ACADVL: variants seen among roughly 807,000 people sequenced by gnomAD.
The protein encoded by ACADVL is acyl-CoA dehydrogenase very long chain.
ACADVL carries 73 observed loss-of-function variants against 80.4 expected under a neutral mutation model. The ratio of observed to expected loss-of-function variants is 0.91; its 90% CI spans 0.75 to 1.10. ACADVL has a LOEUF of 1.10. ACADVL is among the 50% of genes least tolerant of loss of function. ACADVL has a pLI of 0.00. For synonymous variants in ACADVL, 392 were observed against 326.5 expected (o/e 1.20, Z -2.16); for missense variants, 878 against 858.9 (o/e 1.02, Z -0.28).
At position 7,220,893 on chromosome 17, in the gene ACADVL, G is replaced by T. The variant is rs751642481; in HGVS notation, c.343-31G>T. On this transcript the variant is annotated intron_variant, in intron 5 of 19. Transcript: ENST00000356839. Reference sequence around the variant, plus strand: ...TTTGGAGATGTTAAGCTCAAAAGGAGCCTGGATGTGGGATCCTGTGCCTTC... The same window carrying T: ...TTTGGAGATGTTAAGCTCAAAAGGATCCTGGATGTGGGATCCTGTGCCTTC... 1.8e-5 allele frequency: 29 copies of T among 1,613,970 alleles called. No individual in the cohort carries two copies. The East Asian group carries it at 6.2e-4, about 35-fold the overall frequency.
Position 7,220,111 on chromosome 17 carries a change from A to G in ACADVL, c.63-11A>G. 6.3e-7 allele frequency: 1 copy of G among 1,581,194 alleles called. No homozygotes were observed. The highest frequency in any genetic ancestry group is 8.5e-7 in the Non-Finnish European group (1 of 1,171,842). Reference sequence around the variant, plus strand: ...GGCACCGGGCCGGCACTGAACCCCCACTCCCCACAGCTCGCGGCTCACGGC... The same window carrying G: ...GGCACCGGGCCGGCACTGAACCCCCGCTCCCCACAGCTCGCGGCTCACGGC... On this transcript the variant is annotated splice_polypyrimidine_tract_variant and intron_variant, in intron 1 of 19. Transcript: ENST00000356839.
upstream of ACADVL, chr17:7,218,143 G>A: frequency 8.7e-7 from 1 of 1,148,744 alleles, no homozygotes; most frequent in Non-Finnish European, 1.2e-6. Flanking sequence ...TTTGTCAGCA[G>A]GGCCCCCAAG....
At position 7,224,509 on chromosome 17, in the gene ACADVL, T is replaced by C. The variant is rs543532841; in HGVS notation, c.1635T>C (p.Thr545=). The change falls in exon 17 of 20, where the codon ACT becomes ACC. Residue 545 remains threonine (T), a synonymous_variant. Coordinates refer to ENST00000356839, the MANE Select transcript of ACADVL (RefSeq NM_000018.4). ...TACGGGCTCTGGAGCAGTTTGCCAC[T>C]GTGGTGGAGGCCAAGCTGATAAAAC... ...LAVRALEQFA[T]VVEAKLIKHK... 1 of 1,613,672 alleles carries C rather than the reference T, an allele frequency of 6.2e-7. No individual in the cohort carries two copies. Among genetic ancestry groups the C allele is most frequent in the South Asian group, 1.1e-5 (1 of 91,078 alleles).
chr17:7,220,277 T>C, intron 2 of ACADVL, 80 bp downstream of exon 2: 1 of 1,503,158 alleles, frequency 6.7e-7, no homozygotes, highest in South Asian at 1.2e-5. Context: ...GATCTCCCTC[T>C]TGGTGCCAGG....
rs144996066 is a variant in ACADVL, at chr17:7,221,944, C to T, written c.623-8C>T. On this transcript the variant is annotated splice_region_variant and splice_polypyrimidine_tract_variant and intron_variant, in intron 7 of 19. Coordinates refer to ENST00000356839, the MANE Select transcript of ACADVL (RefSeq NM_000018.4). ...GAACTTGGGGTAAAGTAGCTCTCTC[C>T]CCAACAGGGGAGACTGTGGCCGCTT... 2,387 of 1,614,004 alleles carry T rather than the reference C, an allele frequency of 1.5e-3. 43 individuals are homozygous for T. The African/African-American group carries it at 0.028, about 19-fold the overall frequency.
At chr17:7,218,852 C>T (rs1555527052), upstream of ACADVL, 1 of 1,613,742 alleles carries the variant, frequency 6.2e-7, no homozygotes, top group East Asian at 2.2e-5. Flanking sequence ...TGGGACATCT[C>T]TCTCTTCTCT....
At chr17:7,222,522 G>A in intron 9 of ACADVL, 145 bp from the exon 10 acceptor site, 2 of 1,159,022 alleles carry the variant, frequency 1.7e-6, no homozygotes, top group South Asian at 2.7e-5. Flanking sequence ...TTAGCCCTCA[G>A]GGCCTGAGGG....
rs1597537351 is a variant in ACADVL, at chr17:7,224,395, T to C, written c.1605+2T>C. On this transcript the variant is annotated splice_donor_variant, in intron 16 of 19. Coordinates refer to ENST00000356839, the MANE Select transcript of ACADVL (RefSeq NM_000018.4). LOFTEE classifies it high-confidence loss of function. ...GAGTTGAGTCGGAGTGGCGAGCTGG[T>C]AAGTGGCCAGGGGTCCAGGAGAGCC... 6.2e-7 allele frequency: 1 copy of C among 1,613,716 alleles called. No homozygotes were observed. Among genetic ancestry groups the C allele is most frequent in the Admixed American group, 1.7e-5 (1 of 59,996 alleles).
Position 7,220,448 on chromosome 17 carries a change from C to CCGT in ACADVL, c.139-14_139-12dup. ...GAAGTCCCTTCCCTGAACTTGCTAA[C>CCGT]CGTCTCTTTTCCCAGCTGGCTCTGG... On this transcript the variant is annotated splice_polypyrimidine_tract_variant and intron_variant, in intron 2 of 19. Coordinates refer to ENST00000356839, the MANE Select transcript of ACADVL (RefSeq NM_000018.4). The CCGT allele has an allele frequency of 6.2e-7, 1 of 1,614,222 alleles. No individual in the cohort carries two copies. The highest frequency in any genetic ancestry group is 8.5e-7 in the Non-Finnish European group (1 of 1,180,028).
At chr17:7,217,234 C>A, upstream of ACADVL, 1 of 1,256,916 alleles carries the variant, frequency 8.0e-7, no homozygotes, top group Non-Finnish European at 1.0e-6. Flanking sequence ...TCACCCCTCC[C>A]CCCTCCGCAC....
At chr17:7,219,889 G>A, upstream of ACADVL, 1 of 1,536,758 alleles carries the variant, frequency 6.5e-7, no homozygotes, top group Non-Finnish European at 8.7e-7. Context: ...GTGCACTGTG[G>A]ACGATGAGTC....
At position 7,224,024 on chromosome 17, in the gene ACADVL, G is replaced by A. The variant is rs377305356; in HGVS notation, c.1389G>A (p.Gly463=). 1.2e-5 allele frequency: 20 copies of A among 1,614,002 alleles called. No homozygotes were observed. Among genetic ancestry groups the A allele is most frequent in the African/African-American group, 4.0e-5 (3 of 74,898 alleles). The change falls in exon 14 of 20, where the codon GGG becomes GGA. Residue 463 remains glycine (G), a synonymous_variant. Coordinates refer to ENST00000356839, the MANE Select transcript of ACADVL (RefSeq NM_000018.4). ...RDLRIFRIFE[G]TNDILRLFVA... Reference sequence around the variant, plus strand: ...TTCGCATCTTCCGGATCTTTGAGGGGACAAATGACATTCTTCGGCTGTTTG... The same window carrying A: ...TTCGCATCTTCCGGATCTTTGAGGGAACAAATGACATTCTTCGGCTGTTTG...
chr17:7,221,124 C>T (rs1203261441), intron 6 of ACADVL, 66 bp downstream of exon 6: 2 of 1,609,280 alleles, frequency 1.2e-6, no homozygotes, highest in Non-Finnish European at 1.7e-6. Context: ...AGCTCTTTTG[C>T]CATAGACCTA....
At chr17:7,219,792 TC>T, upstream of ACADVL, 1 of 1,505,466 alleles carries the variant, frequency 6.6e-7, no homozygotes. Context: ...CGCTTGGAGA[TC>T]CCTCTAAGTC....
At chr17:7,222,581 TG>T in intron 9 of ACADVL, 85 bp from the exon 10 acceptor site, 1 of 1,385,208 alleles carries the variant, frequency 7.2e-7, no homozygotes, top group Non-Finnish European at 1.0e-6. Flanking sequence ...CATTCCTCCC[TG>T]GTGCATAAGG....
Position 7,223,183 on chromosome 17 carries a change from T to G in ACADVL, c.1128T>G (p.Phe376Leu). The G allele has an allele frequency of 1.2e-6, 2 of 1,614,136 alleles. No individual in the cohort carries two copies. The highest frequency in any genetic ancestry group is 8.5e-7 in the Non-Finnish European group (1 of 1,180,018). The change falls in exon 11 of 20, where the codon TTT becomes TTG. Residue 376 changes from phenylalanine (F) to leucine (L), a missense_variant. Phe to Leu is a conservative substitution (Grantham distance 22). Transcript: ENST00000356839. ...RTQFGEKIHN[F>L]GLIQEKLARM... ...AGTTTGGGGAGAAAATTCACAACTT[T>G]GGGCTGATCCAGGAGAAGCTGGCAC... is the stretch of plus-strand genomic sequence containing the variant.
At chr17:7,224,746 C>T (rs370994394) in intron 18 of ACADVL, 32 bp downstream of exon 18, 5 of 1,612,070 alleles carry the variant, frequency 3.1e-6, no homozygotes, top group Non-Finnish European at 4.2e-6. Context: ...GCCTGAGCCG[C>T]AGGGGGCCTG....
At position 7,220,018 on chromosome 17, in the gene ACADVL, C is replaced by T. The variant is rs769290349; in HGVS notation, c.34C>T (p.Arg12Trp). Reference sequence around the variant, plus strand: ...GGCTCGGATGGCCGCGAGCTTGGGGCGGCAGCTGCTGAGGCTCGGGGGCGG... The same window carrying T: ...GGCTCGGATGGCCGCGAGCTTGGGGTGGCAGCTGCTGAGGCTCGGGGGCGG... ...QAARMAASLGRQLLRLGGGSS... is the reference protein window; with the variant it reads ...QAARMAASLGWQLLRLGGGSS... The change falls in exon 1 of 20, where the codon CGG becomes TGG. Residue 12 changes from arginine (R) to tryptophan (W), a missense_variant. By Grantham distance (101) the Arg-to-Trp change is moderately radical. Coordinates refer to ENST00000356839, the MANE Select transcript of ACADVL (RefSeq NM_000018.4). 4 of 1,604,956 alleles carry T rather than the reference C, an allele frequency of 2.5e-6. No individual in the cohort carries two copies. Among genetic ancestry groups the T allele is most frequent in the East Asian group, 2.2e-5 (1 of 44,744 alleles).
upstream of ACADVL, chr17:7,219,797 C>A: frequency 6.6e-7 from 1 of 1,522,664 alleles, no homozygotes; most frequent in South Asian, 1.2e-5. Context: ...GGAGATCCCT[C>A]TAAGTCAGCG....
Sources: allele counts gnomAD v4.1 joint callset, GRCh38; gene constraint gnomAD v4.1.1; transcripts MANE v1.5; gene names NCBI Gene and HGNC (gene_info 2026-07-23, HGNC 2026-07-21).